Variants in MTMR8 observed in about 807,000 individuals in gnomAD.
The protein encoded by MTMR8 is phosphatidylinositol-3,5-bisphosphate 3-phosphatase MTMR8.
MTMR8 carries 65 observed loss-of-function variants against 39.3 expected under a neutral mutation model. That is an observed-to-expected ratio of 1.65 (90% CI 1.35 to 2.03). The LOEUF is 2.03. Ranked by LOEUF, MTMR8 falls within the 30% of genes most tolerant of loss-of-function variation. The probability of loss-of-function intolerance (pLI) is 0.00; values close to 1 mark genes in which losing one functional copy is unlikely to be tolerated. For missense variants in MTMR8, 777 were observed against 538.9 expected, an observed-to-expected ratio of 1.44 and a Z score of -4.37; for synonymous variants, 245 against 185.2, an observed-to-expected ratio of 1.32 and a Z score of -2.62.
intron 12 of MTMR8, among the ~76,000 whole-genome samples, chrX:64,289,636 C>CAAAAAAAAAAAAAAAAAAAAAAAAAAAAA (rs749879321): frequency 1.1e-4 from 3 of 26,424 alleles, no homozygotes; most frequent in African/African-American, 3.1e-4. Context: ...GACTCCATCG[C>CAAAAAAAAAAAAAAAAAAAAAAAAAAAAA]AAAAAAAAAA....
chrX:64,377,310 G>A (rs985374544), intron 1 of MTMR8, among the ~76,000 whole-genome samples: 1 of 111,876 alleles, frequency 8.9e-6, no homozygotes, highest in Non-Finnish European at 1.9e-5. Flanking sequence ...CCCACAGCTT[G>A]CACTGTGCAC....
At chrX:64,290,735 T>C (rs1218884264) in intron 12 of MTMR8, among the ~76,000 whole-genome samples, 1 of 112,049 alleles carries the variant, frequency 8.9e-6, no homozygotes, top group African/African-American at 3.2e-5. Flanking sequence ...ACATAGCATT[T>C]TGAAATTGGC....
intron 12 of MTMR8, among the ~76,000 whole-genome samples, chrX:64,283,888 A>G (rs1921052453): frequency 8.9e-6 from 1 of 112,368 alleles, no homozygotes. Flanking sequence ...ACAGAAGAGA[A>G]AAACTGAAAA....
chrX:64,391,550 G>A (rs1197569931), intron 1 of MTMR8, among the ~76,000 whole-genome samples: 4 of 111,616 alleles, frequency 3.6e-5, no homozygotes, highest in Non-Finnish European at 7.5e-5. Context: ...CCTTACTTAA[G>A]AGATCCCAGA....
At position 64,304,995 on chromosome X, in the gene MTMR8, C is replaced by T. The variant is rs185945309; in HGVS notation, c.1481+23777G>A. The T allele has an allele frequency of 3.7e-3, 386 of 103,198 alleles. 7 individuals are homozygous for T. The highest frequency in any genetic ancestry group is 0.023 in the African/African-American group (340 of 14,510). 8.5% of individuals were successfully genotyped at this position (103,198 alleles called of 1,213,427 possible). On this transcript the variant is annotated intron_variant, in intron 12 of 13. Coordinates refer to ENST00000374852, the MANE Select transcript of MTMR8 (RefSeq NM_017677.4). ...ACATATATATGTATATACATATATA[C>T]GTATGTATGTATGTATATAAATTGT... is the stretch of plus-strand genomic sequence containing the variant.
intron 10 of MTMR8, among the ~76,000 whole-genome samples, chrX:64,333,510 A>T (rs904862933): frequency 1.8e-5 from 2 of 111,964 alleles, no homozygotes; most frequent in Non-Finnish European, 1.9e-5. Flanking sequence ...CGATTTGCCC[A>T]GAAGTCTTAC....
intron 7 of MTMR8, among the ~76,000 whole-genome samples, chrX:64,344,496 A>G (rs1258615724): frequency 2.7e-5 from 3 of 110,911 alleles, no homozygotes; most frequent in African/African-American, 9.9e-5. Context: ...TTTAGGAGAA[A>G]TGCTCTACAC....
At chrX:64,338,769 T>C (rs1395226146) in intron 8 of MTMR8, among the ~76,000 whole-genome samples, 12 of 111,590 alleles carry the variant, frequency 1.1e-4, no homozygotes, top group Non-Finnish European at 1.9e-5. Flanking sequence ...CATATAGGCC[T>C]GAGGTAAGGT....
At position 64,268,933 on chromosome X, in the gene MTMR8, C is replaced by T; in HGVS notation, c.1719G>A (p.Met573Ile). 2 of 1,211,666 alleles carry T rather than the reference C, an allele frequency of 1.7e-6. No individual in the cohort carries two copies. The highest frequency in any genetic ancestry group is 3.5e-5 in the African/African-American group (2 of 57,764). The change falls in exon 14 of 14, where the codon ATG (methionine) becomes ATA (isoleucine). Residue 573 changes from methionine to isoleucine, a missense_variant. By Grantham distance (10) the Met-to-Ile change is conservative. Transcript: ENST00000374852. Reference sequence around the variant, plus strand: ...GGGTATTCAGGTCTCCATTGATACCCATAAAGCCAAGAGGATTGGTCAAAG... The same window carrying T: ...GGGTATTCAGGTCTCCATTGATACCTATAAAGCCAAGAGGATTGGTCAAAG... ...GSPLTNPLGF[M>I]GINGDLNTLM...
chrX:64,279,384 G>T (rs1931954467), intron 12 of MTMR8, among the ~76,000 whole-genome samples: 1 of 112,011 alleles, frequency 8.9e-6, no homozygotes, highest in Non-Finnish European at 1.9e-5. Context: ...CTTTAAGATT[G>T]TGAATGAGAC....
At chrX:64,387,227 A>C (rs2147248890) in intron 1 of MTMR8, among the ~76,000 whole-genome samples, 1 of 111,478 alleles carries the variant, frequency 9.0e-6, no homozygotes, top group East Asian at 2.8e-4. Context: ...GGAATTGAAA[A>C]AAACAAAGCA....
At position 64,354,936 on chromosome X, in the gene MTMR8, T is replaced by C. The variant is rs1241056164; in HGVS notation, c.311-2A>G. ...AAGCATAAAGATCTTCAGGTAATGC[T>C]GGAGAAGAGAGATAGGCATGGAAAA... On this transcript the variant is annotated splice_acceptor_variant, in intron 3 of 13. Transcript: ENST00000374852. LOFTEE classifies it high-confidence loss of function. 18 of 1,180,817 alleles carry C rather than the reference T, an allele frequency of 1.5e-5. No homozygotes were observed. Among genetic ancestry groups the C allele is most frequent in the Non-Finnish European group, 1.8e-5 (16 of 880,514 alleles).
At chrX:64,355,667 T>A (rs1923602314) in intron 3 of MTMR8, among the ~76,000 whole-genome samples, 1 of 109,853 alleles carries the variant, frequency 9.1e-6, no homozygotes, top group South Asian at 3.9e-4. Context: ...GTTAATTGCC[T>A]AGGGGTGGGG....
intron 12 of MTMR8, among the ~76,000 whole-genome samples, chrX:64,280,849 G>C (rs1031170142): frequency 1.9e-4 from 21 of 111,551 alleles, no homozygotes; most frequent in Non-Finnish European, 3.2e-4. Context: ...CTTCAGCAAA[G>C]TCTCAGGATA....
At position 64,387,902 on chromosome X, in the gene MTMR8, C is replaced by G. The variant is rs866425129; in HGVS notation, c.24+7438G>C. 3.6e-5 allele frequency among the ~76,000 whole-genome samples: 4 copies of G among 110,061 alleles called. No individual in the cohort carries two copies. The South Asian group carries it at 1.2e-3, about 33-fold the overall frequency. On this transcript the variant is annotated intron_variant, in intron 1 of 13. Coordinates refer to ENST00000374852, the MANE Select transcript of MTMR8 (RefSeq NM_017677.4). Reference sequence around the variant, plus strand: ...AGAAAAGGAGAGAAAAGAGGCTGACCACCACTAGGTACGGTACAGATTTTA... The same window carrying G: ...AGAAAAGGAGAGAAAAGAGGCTGACGACCACTAGGTACGGTACAGATTTTA...
chrX:64,289,999 T>A (rs764378287), intron 12 of MTMR8, among the ~76,000 whole-genome samples: 1 of 111,144 alleles, frequency 9.0e-6, no homozygotes, highest in Admixed American at 9.6e-5. Context: ...GTGGAATGAT[T>A]TATTTAATGG....
chrX:64,298,547 T>C (rs1921715346), intron 12 of MTMR8, among the ~76,000 whole-genome samples: 1 of 85,722 alleles, frequency 1.2e-5, no homozygotes, highest in Admixed American at 1.1e-4. Context: ...GACTTCCTCT[T>C]TTCCTAATTG....
intron 12 of MTMR8, among the ~76,000 whole-genome samples, chrX:64,308,009 T>G (rs1448018595): frequency 8.9e-6 from 1 of 111,936 alleles, no homozygotes; most frequent in African/African-American, 3.2e-5. Flanking sequence ...GAAGCACAAG[T>G]GATTTATGTA....
intron 9 of MTMR8, among the ~76,000 whole-genome samples, chrX:64,336,575 A>G (rs1278569546): frequency 9.0e-6 from 1 of 110,671 alleles, no homozygotes; most frequent in Admixed American, 9.6e-5. Context: ...AGGAGGGCAG[A>G]TCACATGAGG....
Sources: gnomAD v4.1 joint callset for allele counts (sites outside exome capture counted in the v4.1 genomes callset) on GRCh38, gnomAD v4.1.1 for gene constraint, MANE v1.5 for transcripts, NCBI Gene and HGNC (gene_info 2026-07-23, HGNC 2026-07-21) for gene names.